CELA2B: variants seen among roughly 807,000 people sequenced by gnomAD.
CELA2B encodes chymotrypsin like elastase 2B, also known as chymotrypsin-like elastase family member 2B.
CELA2B carries 27 observed loss-of-function variants against 36.5 expected under a neutral mutation model. The observed-to-expected ratio is 0.74, with a 90% CI of 0.55 to 1.02. The LOEUF (loss-of-function observed/expected upper bound fraction) is 1.02, where lower values mean the gene tolerates loss of function less well. Among genes scored for constraint, CELA2B ranks in the 50% least tolerant of loss-of-function variants. The probability of loss-of-function intolerance (pLI) is 0.00; values close to 1 mark genes in which losing one functional copy is unlikely to be tolerated. For missense variants in CELA2B, 340 were observed against 347.8 expected (o/e 0.98, Z 0.18); for synonymous variants, 143 against 148.5 (o/e 0.96, Z 0.27).
intron 7 of CELA2B, among the ~76,000 whole-genome samples, chr1:15,487,893 T>C (rs576896742): frequency 3.3e-5 from 5 of 152,304 alleles, no homozygotes; most frequent in African/African-American, 9.6e-5. Flanking sequence ...CCATCCCAGT[T>C]TGCCCAGGAC....
Position 15,476,256 on chromosome 1 carries a change from A to G in CELA2B, c.40+91A>G, listed in dbSNP as rs1708668225. On this transcript the variant is annotated intron_variant, in intron 1 of 7. Coordinates refer to ENST00000375910, the MANE Select transcript of CELA2B (RefSeq NM_015849.3). ...TGTCCTCCCCTCTCGCCCCCACCCA[A>G]CCCCTACTGCATTCAGACCTATAAT... 10 of 1,561,710 alleles carry G rather than the reference A, an allele frequency of 6.4e-6. No individual in the cohort carries two copies. The Admixed American group carries it at 1.7e-4, about 27-fold the overall frequency.
chr1:15,479,726 T>C (rs1185572107), intron 2 of CELA2B, among the ~76,000 whole-genome samples: 1 of 152,078 alleles, frequency 6.6e-6, no homozygotes, highest in Non-Finnish European at 1.5e-5. Context: ...TTGTTTGGGA[T>C]AGCGTGGTCA....
In CELA2B at chr1:15,487,334, AG is replaced by A; in HGVS notation, c.691del (p.Val231CysfsTer35). 6.2e-7 allele frequency: 1 copy of A among 1,614,180 alleles called. No individual in the cohort carries two copies. Among genetic ancestry groups the A allele is most frequent in the Non-Finnish European group, 8.5e-7 (1 of 1,180,018 alleles). ...TGTCAGGCATCTGACGGCCGGTGGG[AG>A]GTGCATGGCATCGGCAGCCTCACGT... Reference protein sequence around the residue: ...LNCQASDGRWEVHGIGSLTSV... With the variant: ...LNCQASDGRWXVHGIGSLTSV... On this transcript the variant is annotated frameshift_variant, in exon 7 of 8. Coordinates refer to ENST00000375910, the MANE Select transcript of CELA2B (RefSeq NM_015849.3). LOFTEE classifies it high-confidence loss of function.
At chr1:15,485,352 C>T (rs1230244372) in intron 5 of CELA2B, among the ~76,000 whole-genome samples, 1 of 151,920 alleles carries the variant, frequency 6.6e-6, no homozygotes, top group African/African-American at 2.4e-5. Flanking sequence ...GGAGGGGGCT[C>T]TAACTGCCAG....
intron 3 of CELA2B, 150 bp from the exon 4 acceptor site, chr1:15,482,115 A>T (rs542080873): frequency 3.6e-6 from 3 of 834,126 alleles, no homozygotes; most frequent in South Asian, 3.5e-5. Context: ...TTTAGGCCCT[A>T]TGATAACTAA....
chr1:15,486,517 G>A (rs1351522372), intron 6 of CELA2B, among the ~76,000 whole-genome samples: 1 of 152,188 alleles, frequency 6.6e-6, no homozygotes, highest in Non-Finnish European at 1.5e-5. Flanking sequence ...GTTTTGAGAT[G>A]TTTTGAGATT....
intron 7 of CELA2B, among the ~76,000 whole-genome samples, chr1:15,487,683 C>T (rs1442544476): frequency 6.6e-6 from 1 of 152,178 alleles, no homozygotes; most frequent in South Asian, 2.1e-4. Context: ...TTGGACACTC[C>T]TCAGGTACGT....
chr1:15,486,602 C>A (rs906747637), intron 6 of CELA2B, among the ~76,000 whole-genome samples: 3 of 152,200 alleles, frequency 2.0e-5, no homozygotes, highest in South Asian at 4.1e-4. Flanking sequence ...CGTGACTGTC[C>A]TTCTGTATCC....
At chr1:15,481,982 T>C (rs1227240304) in intron 3 of CELA2B, among the ~76,000 whole-genome samples, 1 of 150,908 alleles carries the variant, frequency 6.6e-6, no homozygotes, top group Non-Finnish European at 1.5e-5. Context: ...CTGTTTTCTC[T>C]GTGTTCATCT....
chr1:15,485,846 T>A, intron 5 of CELA2B, 55 bp from the exon 6 acceptor site: 1 of 1,603,868 alleles, frequency 6.2e-7, no homozygotes, highest in Non-Finnish European at 8.5e-7. Context: ...GTCCACCACT[T>A]CCTTTTTCTC....
chr1:15,481,238 T>C, intron 3 of CELA2B, 43 bp downstream of exon 3: 3 of 1,611,264 alleles, frequency 1.9e-6, no homozygotes, highest in Non-Finnish European at 2.5e-6. Context: ...CACCAGCCGG[T>C]GCTCATTTCT....
In CELA2B at chr1:15,487,376, A is replaced by G. The variant is rs781084109; in HGVS notation, c.731A>G (p.Asn244Ser). 1 of 1,614,204 alleles carries G rather than the reference A, an allele frequency of 6.2e-7. No homozygotes were observed. The highest frequency in any genetic ancestry group is 8.5e-7 in the Non-Finnish European group (1 of 1,180,016). ...IGSLTSVLGC[N>S]YYYKPSIFTR... ...AGCCTCACGTCGGTCCTTGGTTGCA[A>G]CTACTACTACAAGCCCTCCATCTTC... Residue 244 changes from asparagine to serine, a missense_variant, in exon 7 of 8, where the codon AAC becomes AGC. Coordinates refer to ENST00000375910, the MANE Select transcript of CELA2B (RefSeq NM_015849.3).
intron 7 of CELA2B, among the ~76,000 whole-genome samples, chr1:15,488,471 G>A (rs556899231): frequency 1.3e-5 from 2 of 152,276 alleles, no homozygotes; most frequent in East Asian, 3.9e-4. Context: ...AGCCAGAAGA[G>A]GAAACCCCGT....
chr1:15,484,079 A>C (rs1433053022), intron 5 of CELA2B, among the ~76,000 whole-genome samples: 1 of 152,202 alleles, frequency 6.6e-6, no homozygotes, highest in African/African-American at 2.4e-5. Flanking sequence ...TACAGAGATC[A>C]TGTGACATCT....
chr1:15,489,409 G>A (rs1427229145), intron 7 of CELA2B, among the ~76,000 whole-genome samples: 1 of 152,110 alleles, frequency 6.6e-6, no homozygotes, highest in Non-Finnish European at 1.5e-5. Flanking sequence ...ACAGATGCCC[G>A]GTAACGGGTT....
rs1708796136 is a variant in CELA2B, at chr1:15,485,784, T to C, written c.494-117T>C. 8.0e-6 allele frequency: 10 copies of C among 1,254,186 alleles called. No homozygotes were observed. In the South Asian group the frequency reaches 1.2e-4, roughly 15 times the overall value. 77.7% of individuals were successfully genotyped at this position (1,254,186 alleles called of 1,614,324 possible). A position where few individuals can be genotyped will look rare whatever the true frequency, so the allele number is the denominator to read the frequency against. On this transcript the variant is annotated intron_variant, in intron 5 of 7. Coordinates refer to ENST00000375910, the MANE Select transcript of CELA2B (RefSeq NM_015849.3). ...AGGACACAGTATAGACAAACATGGC[T>C]GTTCCCATGTTGCAATGGATGGAAG...
rs763594612 is a variant in CELA2B, at chr1:15,487,336, G to A, written c.691G>A (p.Val231Met). ...NCQASDGRWE[V>M]HGIGSLTSVL... is the part of the protein sequence containing the mutation. Reference sequence around the variant, plus strand: ...TCAGGCATCTGACGGCCGGTGGGAGGTGCATGGCATCGGCAGCCTCACGTC... The same window carrying A: ...TCAGGCATCTGACGGCCGGTGGGAGATGCATGGCATCGGCAGCCTCACGTC... The change falls in exon 7 of 8, where the codon GTG becomes ATG. Residue 231 changes from valine to methionine, a missense_variant. Coordinates refer to ENST00000375910, the MANE Select transcript of CELA2B (RefSeq NM_015849.3). The A allele has an allele frequency of 6.8e-6, 11 of 1,614,222 alleles. No individual in the cohort carries two copies. Among genetic ancestry groups the A allele is most frequent in the Non-Finnish European group, 9.3e-6 (11 of 1,180,042 alleles).
chr1:15,483,468 G>A, intron 5 of CELA2B, 68 bp downstream of exon 5: 1 of 1,607,750 alleles, frequency 6.2e-7, no homozygotes, highest in East Asian at 2.2e-5. Context: ...GTCCGGCCAG[G>A]GCCTCTCACC....
At chr1:15,484,105 G>C (rs1473906668) in intron 5 of CELA2B, among the ~76,000 whole-genome samples, 2 of 152,262 alleles carry the variant, frequency 1.3e-5, no homozygotes, top group African/African-American at 4.8e-5. Flanking sequence ...GTGGCCCAAG[G>C]CTAGAGTTCA....
Sources: gnomAD v4.1 joint callset for allele counts (sites outside exome capture counted in the v4.1 genomes callset) on GRCh38, gnomAD v4.1.1 for gene constraint, MANE v1.5 for transcripts, NCBI Gene and HGNC (gene_info 2026-07-23, HGNC 2026-07-21) for gene names.